GUCY1A2: variants seen among roughly 807,000 people sequenced by gnomAD.
GUCY1A2 encodes the protein guanylate cyclase soluble subunit alpha-2.
Under a neutral mutation model 63.5 loss-of-function variants are expected in GUCY1A2, and 27 were observed. That is an observed-to-expected ratio of 0.43 (90% CI 0.31 to 0.59). The LOEUF (loss-of-function observed/expected upper bound fraction) is 0.59, where lower values mean the gene tolerates loss of function less well. GUCY1A2 is among the 20% of genes least tolerant of loss of function. GUCY1A2 has a pLI of 0.11. For missense variants in GUCY1A2, 768 were observed against 913.3 expected, an observed-to-expected ratio of 0.84 and a Z score of 2.05; for synonymous variants, 364 against 343.5, an observed-to-expected ratio of 1.06 and a Z score of -0.66.
chr11:106,961,820 C>T (rs1861061922), intron 3 of GUCY1A2, among the ~76,000 whole-genome samples: 1 of 152,066 alleles, frequency 6.6e-6, no homozygotes, highest in Admixed American at 6.6e-5. Context: ...TGGCTTGGTG[C>T]CCTAGAAGTC....
intron 4 of GUCY1A2, among the ~76,000 whole-genome samples, chr11:106,928,626 T>G (rs1353279683): frequency 6.6e-6 from 1 of 152,188 alleles, no homozygotes; most frequent in African/African-American, 2.4e-5. Context: ...TTGGGCAATT[T>G]CACCATTATA....
intron 4 of GUCY1A2, among the ~76,000 whole-genome samples, chr11:106,914,385 A>G (rs1318979118): frequency 6.6e-6 from 1 of 152,096 alleles, no homozygotes; most frequent in Non-Finnish European, 1.5e-5. Flanking sequence ...CAGCTACTGA[A>G]TTACTCTGAT....
intron 3 of GUCY1A2, among the ~76,000 whole-genome samples, chr11:106,947,014 C>A (rs915319551): frequency 2.6e-5 from 4 of 151,852 alleles, no homozygotes; most frequent in African/African-American, 9.7e-5. Context: ...GTCAGGAATT[C>A]GAGACCAGCC....
intron 6 of GUCY1A2, among the ~76,000 whole-genome samples, chr11:106,743,100 A>T (rs1231287191): frequency 1.3e-5 from 2 of 152,132 alleles, no homozygotes; most frequent in East Asian, 3.8e-4. Context: ...GTAAGTTTAT[A>T]TACATATATA....
At chr11:106,778,552 T>G (rs2135403991) in intron 5 of GUCY1A2, among the ~76,000 whole-genome samples, 1 of 152,148 alleles carries the variant, frequency 6.6e-6, no homozygotes, top group East Asian at 1.9e-4. Context: ...TCCCAGCTAC[T>G]CGGGAGACTG....
At chr11:106,989,602 A>G (rs541571384) in intron 1 of GUCY1A2, among the ~76,000 whole-genome samples, 14 of 152,290 alleles carry the variant, frequency 9.2e-5, no homozygotes, top group Middle Eastern at 6.8e-3. Context: ...CACAGACTTC[A>G]ATTAGAAAAC....
chr11:106,744,053 T>C (rs761284067), intron 6 of GUCY1A2, among the ~76,000 whole-genome samples: 3 of 152,108 alleles, frequency 2.0e-5, no homozygotes, highest in Non-Finnish European at 2.9e-5. Context: ...ATGTATAACA[T>C]ACATCATTAT....
intron 4 of GUCY1A2, among the ~76,000 whole-genome samples, chr11:106,903,275 T>C (rs1022429871): frequency 1.3e-5 from 2 of 152,206 alleles, no homozygotes; most frequent in Non-Finnish European, 2.9e-5. Context: ...TCTACTCTTC[T>C]TTAATGCTGT....
chr11:106,936,041 T>C (rs1344345642), intron 4 of GUCY1A2, among the ~76,000 whole-genome samples: 1 of 152,096 alleles, frequency 6.6e-6, no homozygotes, highest in Non-Finnish European at 1.5e-5. Flanking sequence ...CAGAGACACC[T>C]CTCTCCCAGC....
chr11:106,981,282 C>CT (rs1380018294), intron 2 of GUCY1A2, among the ~76,000 whole-genome samples: 4 of 152,040 alleles, frequency 2.6e-5, no homozygotes, highest in Admixed American at 2.6e-4. Context: ...TGAAATTATT[C>CT]TGGCTTAATT....
intron 6 of GUCY1A2, among the ~76,000 whole-genome samples, chr11:106,712,389 T>C (rs915555102): frequency 6.6e-6 from 1 of 152,200 alleles, no homozygotes; most frequent in Non-Finnish European, 1.5e-5. Flanking sequence ...TCAATTTAGC[T>C]TTTGAAAATA....
chr11:106,943,097 A>G (rs1012987083), intron 3 of GUCY1A2, among the ~76,000 whole-genome samples: 11 of 152,362 alleles, frequency 7.2e-5, no homozygotes, highest in South Asian at 2.1e-4. Context: ...AGATTTGAAA[A>G]TATTAAAACT....
intron 6 of GUCY1A2, among the ~76,000 whole-genome samples, chr11:106,751,749 T>C (rs1158160576): frequency 3.3e-5 from 5 of 152,174 alleles, no homozygotes; most frequent in Admixed American, 6.5e-5. Context: ...AATTATAAAA[T>C]AAATTTCAGT....
At chr11:106,877,103 G>A (rs1859760680) in intron 4 of GUCY1A2, among the ~76,000 whole-genome samples, 1 of 152,030 alleles carries the variant, frequency 6.6e-6, no homozygotes, top group Non-Finnish European at 1.5e-5. Context: ...TTGAAAAAGG[G>A]TTCCTGATTT....
intron 3 of GUCY1A2, among the ~76,000 whole-genome samples, chr11:106,951,741 T>C (rs1346012118): frequency 3.9e-5 from 6 of 152,232 alleles, no homozygotes. Context: ...TTTAGTTTAA[T>C]TAGACCCCAC....
chr11:106,968,245 C>A (rs545364407), intron 3 of GUCY1A2, among the ~76,000 whole-genome samples: 1 of 152,234 alleles, frequency 6.6e-6, no homozygotes, highest in South Asian at 2.1e-4. Flanking sequence ...GGTATCATGT[C>A]TATAGGCCTC....
intron 6 of GUCY1A2, among the ~76,000 whole-genome samples, chr11:106,775,514 C>T (rs185653016): frequency 1.3e-5 from 2 of 150,236 alleles, no homozygotes; most frequent in Non-Finnish European, 3.0e-5. Flanking sequence ...GTGTAATTGT[C>T]ATGTTTTTCC....
intron 4 of GUCY1A2, among the ~76,000 whole-genome samples, chr11:106,864,438 A>G (rs959543008): frequency 1.3e-5 from 2 of 152,126 alleles, no homozygotes; most frequent in African/African-American, 4.8e-5. Context: ...TGCCCTGGCC[A>G]GAACTTCCAA....
chr11:106,809,941 T>C (rs1328717346), intron 5 of GUCY1A2, 52 bp downstream of exon 5: 2 of 1,186,614 alleles, frequency 1.7e-6, no homozygotes, highest in Admixed American at 2.3e-5. Flanking sequence ...TTAATTCACA[T>C]GACAATTTAC....
Sources: gnomAD v4.1 joint callset for allele counts (sites outside exome capture counted in the v4.1 genomes callset) on GRCh38, gnomAD v4.1.1 for gene constraint, MANE v1.5 for transcripts, NCBI Gene and HGNC (gene_info 2026-07-23, HGNC 2026-07-21) for gene names.